EFNA5: variants seen among roughly 807,000 people sequenced by gnomAD.
EFNA5 encodes the protein ephrin A5.
In EFNA5, 5 loss-of-function variants were observed where a neutral mutation model predicts 22.9. The ratio of observed to expected loss-of-function variants is 0.22; its 90% CI spans 0.11 to 0.46. The LOEUF is 0.46. Ranked by LOEUF, EFNA5 falls within the 20% of genes least tolerant of loss-of-function variation. The pLI is 0.99. For missense variants in EFNA5, 237 were observed against 293.3 expected (o/e 0.81, Z 1.40); for synonymous variants, 113 against 112.2 (o/e 1.01, Z -0.04).
chr5:107,579,785 C>G (rs745607932), intron 1 of EFNA5, among the ~76,000 whole-genome samples: 1 of 152,170 alleles, frequency 6.6e-6, no homozygotes, highest in South Asian at 2.1e-4. Flanking sequence ...CTTCAATATG[C>G]CCCACCTTGC....
intron 1 of EFNA5, among the ~76,000 whole-genome samples, chr5:107,581,518 T>C (rs1749072938): frequency 6.6e-6 from 1 of 152,212 alleles, no homozygotes; most frequent in South Asian, 2.1e-4. Flanking sequence ...TCAGTTTCAA[T>C]GAAAAGTGTT....
intron 1 of EFNA5, among the ~76,000 whole-genome samples, chr5:107,525,349 T>C (rs1747673413): frequency 6.6e-6 from 1 of 152,208 alleles, no homozygotes; most frequent in African/African-American, 2.4e-5. Context: ...TGCTGTCTTA[T>C]CTCTTTTTTC....
intron 1 of EFNA5, among the ~76,000 whole-genome samples, chr5:107,438,099 G>T (rs1749163529): frequency 6.6e-6 from 1 of 152,162 alleles, no homozygotes; most frequent in Non-Finnish European, 1.5e-5. Context: ...AATAAGATGT[G>T]GTCCCGTGCA....
At chr5:107,476,057 T>TATACATA in intron 1 of EFNA5, among the ~76,000 whole-genome samples, 5 of 100,428 alleles carry the variant, frequency 5.0e-5, no homozygotes, top group East Asian at 3.4e-4. Context: ...TATATATATA[T>TATACATA]TTTTTTTTTT....
intron 1 of EFNA5, among the ~76,000 whole-genome samples, chr5:107,544,298 C>T (rs918354961): frequency 1.3e-5 from 2 of 152,146 alleles, no homozygotes; most frequent in African/African-American, 2.4e-5. Flanking sequence ...TGGGGCTCAG[C>T]CCCACACAGG....
At chr5:107,592,319 G>A (rs1465531126) in intron 1 of EFNA5, among the ~76,000 whole-genome samples, 1 of 151,176 alleles carries the variant, frequency 6.6e-6, no homozygotes, top group East Asian at 2.0e-4. Flanking sequence ...TTATACCAAT[G>A]ATCAATCTCC....
chr5:107,521,481 T>C (rs1028801965), intron 1 of EFNA5, among the ~76,000 whole-genome samples: 1 of 148,070 alleles, frequency 6.8e-6, no homozygotes, highest in Non-Finnish European at 1.5e-5. Flanking sequence ...TATATATTTT[T>C]TTTTTTTTTT....
chr5:107,520,926 A>C, intron 1 of EFNA5, among the ~76,000 whole-genome samples: 1 of 152,220 alleles, frequency 6.6e-6, no homozygotes, highest in East Asian at 1.9e-4. Context: ...ATACTAAAGA[A>C]AACACCATTT....
intron 1 of EFNA5, among the ~76,000 whole-genome samples, chr5:107,624,698 G>A (rs1750110646): frequency 6.6e-6 from 1 of 152,070 alleles, no homozygotes; most frequent in South Asian, 2.1e-4. Context: ...CAGCCATTTT[G>A]AAAATGAACC....
intron 1 of EFNA5, among the ~76,000 whole-genome samples, chr5:107,594,827 A>G (rs1749442557): frequency 6.6e-6 from 1 of 152,220 alleles, no homozygotes; most frequent in Non-Finnish European, 1.5e-5. Context: ...GGAATGAAAT[A>G]CAAATCATTA....
chr5:107,455,882 T>A (rs191121529), intron 1 of EFNA5, among the ~76,000 whole-genome samples: 2 of 152,308 alleles, frequency 1.3e-5, no homozygotes, highest in African/African-American at 4.8e-5. Flanking sequence ...CATTAGCATA[T>A]GTTGAGAACA....
chr5:107,531,778 C>T (rs931267476), intron 1 of EFNA5, among the ~76,000 whole-genome samples: 4 of 152,148 alleles, frequency 2.6e-5, no homozygotes, highest in Admixed American at 6.5e-5. Flanking sequence ...GAAATACTAA[C>T]GTAATGTGCA....
chr5:107,658,483 T>C (rs896940518), intron 1 of EFNA5, among the ~76,000 whole-genome samples: 6 of 152,224 alleles, frequency 3.9e-5, no homozygotes, highest in African/African-American at 1.2e-4. Flanking sequence ...AAATCTGTTT[T>C]ATTTGTCTGA....
chr5:107,597,161 T>C (rs1214175405), intron 1 of EFNA5, among the ~76,000 whole-genome samples: 1 of 152,192 alleles, frequency 6.6e-6, no homozygotes, highest in Non-Finnish European at 1.5e-5. Flanking sequence ...AAAAGATCCA[T>C]CAAAAATATT....
At chr5:107,501,354 T>A (rs1279999819) in intron 1 of EFNA5, among the ~76,000 whole-genome samples, 1 of 151,508 alleles carries the variant, frequency 6.6e-6, no homozygotes, top group African/African-American at 2.5e-5. Flanking sequence ...CAAATTAAGC[T>A]TCTTATTTTA....
At position 107,476,046 on chromosome 5, in the gene EFNA5, C is replaced by CTATATATATATATATATATATATA; in HGVS notation, c.126-48538_126-48537insTATATATATATATATATATATATA. Among the ~76,000 whole-genome samples, 4 of 31,282 alleles carry CTATATATATATATATATATATATA rather than the reference C, an allele frequency of 1.3e-4. No individual in the cohort carries two copies. In the African/African-American group the frequency reaches 1.4e-3, roughly 11 times the overall value. 20.5% of individuals were successfully genotyped at this position (31,282 alleles called of 152,430 possible). ...CCAAGGTGGCTTGAGAGTTTTTAAA[C>CTATATATATATATATATATATATA]TATATATATATTTTTTTTTTTTGAG... On this transcript the variant is annotated intron_variant, in intron 1 of 4. Transcript: ENST00000333274.
chr5:107,429,652 G>A (rs1381541203), intron 1 of EFNA5, among the ~76,000 whole-genome samples: 1 of 152,166 alleles, frequency 6.6e-6, no homozygotes, highest in Non-Finnish European at 1.5e-5. Flanking sequence ...TTCCTCATAT[G>A]TAAGTTGGGC....
intron 1 of EFNA5, among the ~76,000 whole-genome samples, chr5:107,527,497 G>T (rs534933168): frequency 6.6e-6 from 1 of 151,952 alleles, no homozygotes; most frequent in East Asian, 1.9e-4. Flanking sequence ...ATGTTGGCCA[G>T]GCTTATCTTG....
At chr5:107,438,342 G>A (rs901462198) in intron 1 of EFNA5, among the ~76,000 whole-genome samples, 3 of 152,180 alleles carry the variant, frequency 2.0e-5, no homozygotes, top group African/African-American at 7.2e-5. Context: ...CTCTATTTGA[G>A]AGGGTTCATC....
Sources: allele counts gnomAD v4.1 joint callset (sites outside exome capture counted in the v4.1 genomes callset), GRCh38; gene constraint gnomAD v4.1.1; transcripts MANE v1.5; gene names NCBI Gene and HGNC (gene_info 2026-07-23, HGNC 2026-07-21).